NOMO1: variants seen among roughly 807,000 people sequenced by gnomAD.
NOMO1 encodes the protein nodal modulator 3.
In NOMO1, 40 loss-of-function variants were observed where a neutral mutation model predicts 133.8. That is an observed-to-expected ratio of 0.30 (90% CI 0.23 to 0.39). The LOEUF (loss-of-function observed/expected upper bound fraction) is 0.39, where lower values mean the gene tolerates loss of function less well. Among genes scored for constraint, NOMO1 ranks in the 10% least tolerant of loss-of-function variants. NOMO1 has a pLI of 1.00. For synonymous variants in NOMO1, 236 were observed against 570.5 expected, an observed-to-expected ratio of 0.41 and a Z score of 8.36; for missense variants, 462 against 1,419.9, an observed-to-expected ratio of 0.33 and a Z score of 10.84.
At chr16:14,861,789 G>C (rs1963925346) in intron 11 of NOMO1, among the ~76,000 whole-genome samples, 1 of 149,468 alleles carries the variant, frequency 6.7e-6, no homozygotes, top group Admixed American at 6.7e-5. Context: ...GGACACCACA[G>C]TTTGCATTTC....
In NOMO1 at chr16:14,896,043, C is replaced by A; in HGVS notation, c.*398C>A. ...ATGGCGGGGTACCCTAGGGATTCAT[C>A]TGTTTTCTTCACTTCCCTTTGCATC... On this transcript the variant is annotated 3_prime_UTR_variant, in exon 31 of 31. Transcript: ENST00000287667. The A allele has an allele frequency of 1.2e-6, 2 of 1,612,010 alleles. No individual in the cohort carries two copies. The highest frequency in any genetic ancestry group is 1.7e-6 in the Non-Finnish European group (2 of 1,179,856).
chr16:14,873,957 A>C (rs1252678986), intron 18 of NOMO1, among the ~76,000 whole-genome samples: 1 of 151,408 alleles, frequency 6.6e-6, no homozygotes, highest in African/African-American at 2.4e-5. Flanking sequence ...TCCCCAACAA[A>C]GCCTTGGCTT....
intron 27 of NOMO1, 98 bp from the exon 28 acceptor site, chr16:14,886,663 G>T: frequency 6.2e-7 from 1 of 1,604,338 alleles, no homozygotes; most frequent in South Asian, 1.1e-5. Flanking sequence ...TGTTTCCAAA[G>T]ACACCCACCC....
At chr16:14,867,791 A>G (rs1254478494) in intron 15 of NOMO1, among the ~76,000 whole-genome samples, 9 of 149,202 alleles carry the variant, frequency 6.0e-5, no homozygotes, top group East Asian at 2.0e-4. Context: ...TCGATTTGTT[A>G]TAGGAGATCG....
At chr16:14,854,261 C>T (rs1169513413) in intron 9 of NOMO1, among the ~76,000 whole-genome samples, 1 of 120,696 alleles carries the variant, frequency 8.3e-6, no homozygotes, top group African/African-American at 3.2e-5. Context: ...ACATGCATTT[C>T]AGGCACCATT....
intron 29 of NOMO1, among the ~76,000 whole-genome samples, chr16:14,893,133 C>T (rs1212279595): frequency 6.6e-6 from 1 of 150,900 alleles, no homozygotes; most frequent in African/African-American, 2.4e-5. Flanking sequence ...CCAGTGAGGC[C>T]TGGGACCTGA....
Position 14,856,458 on chromosome 16 carries a change from G to T in NOMO1, c.964-759G>T, listed in dbSNP as rs559747822. ...TTTCTTTGAGACAGAGTCTTGCTGC[G>T]TCACACAGGCTGGCACTGTCTTGGC... On this transcript the variant is annotated intron_variant, in intron 9 of 30. Transcript: ENST00000287667. Among the ~76,000 whole-genome samples, 1,054 of 151,486 alleles carry T rather than the reference G, an allele frequency of 7.0e-3. 22 individuals are homozygous for T. Among genetic ancestry groups the T allele is most frequent in the African/African-American group, 0.025 (1,012 of 41,214 alleles).
At chr16:14,857,173 C>T (rs1403300801) in intron 9 of NOMO1, 44 bp from the exon 10 acceptor site, 4 of 1,611,744 alleles carry the variant, frequency 2.5e-6, no homozygotes, top group Non-Finnish European at 3.4e-6. Flanking sequence ...GGCTCTGGCA[C>T]AGGAGCACCT....
At chr16:14,874,973 A>G (rs1460586161) in intron 18 of NOMO1, 63 bp from the exon 19 acceptor site, 2 of 1,608,274 alleles carry the variant, frequency 1.2e-6, no homozygotes, top group East Asian at 2.2e-5. Context: ...ACTCGTAGAA[A>G]GGTCAAATTC....
intron 28 of NOMO1, among the ~76,000 whole-genome samples, chr16:14,887,378 C>T (rs1393196333): frequency 6.6e-6 from 1 of 151,826 alleles, no homozygotes; most frequent in South Asian, 2.1e-4. Context: ...ACTGCAAGCT[C>T]CGCCTCCTGG....
chr16:14,880,214 GAAAC>G, intron 24 of NOMO1, 72 bp downstream of exon 24: 1 of 1,272,164 alleles, frequency 7.9e-7, no homozygotes, highest in Non-Finnish European at 1.1e-6. Flanking sequence ...CTGTTGCCTG[GAAAC>G]GCATCCCAGG....
rs147844573 is a variant in NOMO1, at chr16:14,878,899, G to A, written c.2757+65G>A. Reference sequence around the variant, plus strand: ...GAGAGAGAGCCAGGATGCAGCATGCGAGACTTACGTGTTGCTTGACAACGT... The same window carrying A: ...GAGAGAGAGCCAGGATGCAGCATGCAAGACTTACGTGTTGCTTGACAACGT... On this transcript the variant is annotated intron_variant, in intron 23 of 30. Coordinates refer to ENST00000287667, the MANE Select transcript of NOMO1 (RefSeq NM_014287.4). 4.1e-5 allele frequency: 66 copies of A among 1,596,514 alleles called. No homozygotes were observed. In the East Asian group the frequency reaches 1.1e-3, roughly 26 times the overall value.
intron 15 of NOMO1, 50 bp downstream of exon 15, chr16:14,866,741 G>T: frequency 6.2e-7 from 1 of 1,609,766 alleles, no homozygotes; most frequent in Non-Finnish European, 8.5e-7. Flanking sequence ...TCGCCTTGTG[G>T]ATGTCAAGAA....
intron 4 of NOMO1, among the ~76,000 whole-genome samples, chr16:14,845,531 G>A (rs557240419): frequency 6.6e-6 from 1 of 152,048 alleles, no homozygotes; most frequent in Admixed American, 6.6e-5. Flanking sequence ...TTTTTGGACC[G>A]CCACGGTGGT....
In NOMO1 at chr16:14,845,362, G is replaced by A. The variant is rs956325555; in HGVS notation, c.402+588G>A. Among the ~76,000 whole-genome samples, 19 of 151,934 alleles carry A rather than the reference G, an allele frequency of 1.3e-4. 1 individual carries two copies. The highest frequency in any genetic ancestry group is 3.9e-4 in the African/African-American group (16 of 41,312). ...GCTGTTAGCGTTTATGTCAGGGATG[G>A]CCTTTTACAGGGATGCCGAATTGGA... is the stretch of plus-strand genomic sequence containing the variant. On this transcript the variant is annotated intron_variant, in intron 4 of 30. Transcript: ENST00000287667.
Position 14,866,701 on chromosome 16 carries a change from G to C in NOMO1, c.1806+10G>C, listed in dbSNP as rs1266163664. The C allele has an allele frequency of 6.2e-7, 1 of 1,609,886 alleles. No homozygotes were observed. Among genetic ancestry groups the C allele is most frequent in the Admixed American group, 1.7e-5 (1 of 59,924 alleles). On this transcript the variant is annotated intron_variant, in intron 15 of 30. Transcript: ENST00000287667. ...TCACGCCATCACTCTGGTATGTACG[G>C]CTTATTGAGTCTCTTATTTGGAAAA... is the stretch of plus-strand genomic sequence containing the variant.
chr16:14,857,658 A>C lies in NOMO1; in HGVS notation c.1220+3A>C, dbSNP rs1277929526. On this transcript the variant is annotated splice_donor_region_variant and intron_variant, in intron 11 of 30. Transcript: ENST00000287667. ...CTGGCTGACATTATTGCAACAGGGT[A>C]AGCTTATCGTGTGGATTTGGAAGCG... is the stretch of plus-strand genomic sequence containing the variant. 3 of 1,613,622 alleles carry C rather than the reference A, an allele frequency of 1.9e-6. No homozygotes were observed. The highest frequency in any genetic ancestry group is 2.5e-6 in the Non-Finnish European group (3 of 1,179,860).
intron 25 of NOMO1, 122 bp from the exon 26 acceptor site, chr16:14,882,472 T>A: frequency 8.0e-7 from 1 of 1,249,336 alleles, no homozygotes; most frequent in South Asian, 1.3e-5. Flanking sequence ...GGCCACAGAT[T>A]AGGAAATGAG....
At chr16:14,862,504 T>A (rs879989456) in intron 11 of NOMO1, 145 of 158,340 alleles carry the variant, frequency 9.2e-4, no homozygotes, top group Non-Finnish European at 1.3e-3. Context: ...CCAATCTCCC[T>A]GTTTGCTTTC....
Sources: allele counts gnomAD v4.1 joint callset (sites outside exome capture counted in the v4.1 genomes callset), GRCh38; gene constraint gnomAD v4.1.1; transcripts MANE v1.5; gene names NCBI Gene and HGNC (gene_info 2026-07-23, HGNC 2026-07-21).